The following CCSER1 variants were observed in gnomAD, a reference collection of about 807,000 sequenced individuals.
CCSER1 encodes the protein coiled-coil serine rich protein 1.
In CCSER1, 41 loss-of-function variants were observed where a neutral mutation model predicts 82.0. The ratio of observed to expected loss-of-function variants is 0.50; its 90% CI spans 0.39 to 0.65. The LOEUF (loss-of-function observed/expected upper bound fraction) is 0.65. Among genes scored for constraint, CCSER1 ranks in the 30% least tolerant of loss-of-function variants. The pLI is 0.00. For synonymous variants in CCSER1, 414 were observed against 383.9 expected, an observed-to-expected ratio of 1.08 and a Z score of -0.92; for missense variants, 1,119 against 1,064.2, an observed-to-expected ratio of 1.05 and a Z score of -0.72.
At chr4:91,404,191 T>C (rs934891871) in intron 10 of CCSER1, among the ~76,000 whole-genome samples, 6 of 152,170 alleles carry the variant, frequency 3.9e-5, no homozygotes, top group African/African-American at 9.7e-5. Flanking sequence ...CATAGAGGTG[T>C]TTATAGTATT....
At chr4:90,587,708 T>A (rs1362948488) in intron 5 of CCSER1, among the ~76,000 whole-genome samples, 2 of 152,180 alleles carry the variant, frequency 1.3e-5, no homozygotes, top group Non-Finnish European at 1.5e-5. Context: ...GTTGCTTTAT[T>A]TCTTGTGTAG....
chr4:90,458,397 A>T (rs950866235), intron 4 of CCSER1, among the ~76,000 whole-genome samples: 6 of 151,958 alleles, frequency 3.9e-5, no homozygotes, highest in African/African-American at 1.4e-4. Flanking sequence ...TCTGTTGCCC[A>T]GGCTGGGGTA....
At chr4:91,376,411 A>G (rs946958570) in intron 10 of CCSER1, among the ~76,000 whole-genome samples, 2 of 152,314 alleles carry the variant, frequency 1.3e-5, no homozygotes, top group East Asian at 1.9e-4. Flanking sequence ...GTATCTAAAC[A>G]TATCTAAACA....
At chr4:90,691,519 GTACA>G (rs1735868778) in intron 6 of CCSER1, among the ~76,000 whole-genome samples, 1 of 150,728 alleles carries the variant, frequency 6.6e-6, no homozygotes, top group Non-Finnish European at 1.5e-5. Flanking sequence ...TATTACATGT[GTACA>G]TATCACACGT....
intron 1 of CCSER1, among the ~76,000 whole-genome samples, chr4:90,147,295 T>G (rs1014374558): frequency 1.3e-5 from 2 of 152,112 alleles, no homozygotes; most frequent in Non-Finnish European, 2.9e-5. Context: ...TTGTTGTTTA[T>G]AAAAATAGAG....
intron 9 of CCSER1, among the ~76,000 whole-genome samples, chr4:90,928,187 GTT>G (rs1729292866): frequency 6.6e-6 from 1 of 151,878 alleles, no homozygotes; most frequent in Non-Finnish European, 1.5e-5. Flanking sequence ...TAAAAATTGA[GTT>G]ATATATTCCA....
intron 10 of CCSER1, among the ~76,000 whole-genome samples, chr4:91,139,535 T>C (rs893433109): frequency 1.3e-5 from 2 of 152,184 alleles, no homozygotes; most frequent in African/African-American, 4.8e-5. Flanking sequence ...GGTAGTGTGA[T>C]GCAGAGAAGG....
chr4:90,599,043 G>T (rs1387217460), intron 5 of CCSER1, among the ~76,000 whole-genome samples: 2 of 152,138 alleles, frequency 1.3e-5, no homozygotes, highest in Non-Finnish European at 2.9e-5. Context: ...GGGGTTCAGG[G>T]CACAATGTGG....
At chr4:90,825,062 G>A (rs1052600485) in intron 8 of CCSER1, among the ~76,000 whole-genome samples, 1 of 152,126 alleles carries the variant, frequency 6.6e-6, no homozygotes, top group Non-Finnish European at 1.5e-5. Context: ...CTGCCAAAAA[G>A]ATACAATCTT....
At chr4:90,367,623 C>G (rs917217236) in intron 3 of CCSER1, among the ~76,000 whole-genome samples, 1 of 151,196 alleles carries the variant, frequency 6.6e-6, no homozygotes, top group Non-Finnish European at 1.5e-5. Flanking sequence ...ATTTGTACAG[C>G]TAAGAATATA....
chr4:90,913,901 C>T (rs1055032796), intron 8 of CCSER1, among the ~76,000 whole-genome samples: 1 of 152,092 alleles, frequency 6.6e-6, no homozygotes, highest in African/African-American at 2.4e-5. Flanking sequence ...CAAAGAAGGC[C>T]ATTACATAAT....
intron 10 of CCSER1, among the ~76,000 whole-genome samples, chr4:91,361,617 GGA>G (rs1486073477): frequency 6.6e-6 from 1 of 151,682 alleles, no homozygotes; most frequent in African/African-American, 2.4e-5. Context: ...AAGAGTGGAG[GGA>G]GAGACTTATT....
chr4:91,073,784 C>T (rs1424410603), intron 9 of CCSER1, among the ~76,000 whole-genome samples: 22 of 152,020 alleles, frequency 1.4e-4, no homozygotes, highest in Admixed American at 1.4e-3. Context: ...AACAGAAAGA[C>T]ACAGAGTAAG....
At chr4:90,311,568 A>G (rs1167618180) in intron 2 of CCSER1, among the ~76,000 whole-genome samples, 2 of 152,164 alleles carry the variant, frequency 1.3e-5, no homozygotes, top group Non-Finnish European at 2.9e-5. Context: ...AAGTAAATGT[A>G]TTTTATCCAA....
At chr4:90,621,024 G>T (rs1462300969) in intron 5 of CCSER1, among the ~76,000 whole-genome samples, 1 of 152,006 alleles carries the variant, frequency 6.6e-6, no homozygotes, top group African/African-American at 2.4e-5. Flanking sequence ...TCACCATGTT[G>T]TCCAGGCTGG....
intron 10 of CCSER1, among the ~76,000 whole-genome samples, chr4:91,421,008 A>G (rs2149382971): frequency 6.6e-6 from 1 of 152,266 alleles, no homozygotes; most frequent in East Asian, 1.9e-4. Flanking sequence ...AAAAAGTCTA[A>G]CTTACAGAAG....
rs573349070 is a variant in CCSER1 at position 91,063,145 on chromosome 4, C to T, written c.2173-22805C>T. Among the ~76,000 whole-genome samples the T allele has an allele frequency of 1.5e-4, 23 of 152,066 alleles. No homozygotes were observed. In the South Asian group the frequency reaches 2.3e-3, roughly 15 times the overall value. Reference sequence around the variant, plus strand: ...GAAGTTTCGTGTTCCCAACCAAAGACGAGAAGAAGAAAATGCTGTAGTATT... The same window carrying T: ...GAAGTTTCGTGTTCCCAACCAAAGATGAGAAGAAGAAAATGCTGTAGTATT... On this transcript the variant is annotated intron_variant, in intron 9 of 10. Coordinates refer to ENST00000509176, the MANE Select transcript of CCSER1 (RefSeq NM_001145065.2).
rs142989499 is a variant in CCSER1 at position 90,260,947 on chromosome 4, C to A, written c.-41-47297C>A. Among the ~76,000 whole-genome samples, 51 of 152,198 alleles carry A rather than the reference C, an allele frequency of 3.4e-4. 1 individual carries two copies. The East Asian group carries it at 9.5e-3, about 28-fold the overall frequency. ...GCCAGGCTGGTCTTGAACTCCTGAC[C>A]TCAAGTGATCTGCTTGCCTTGGCCT... On this transcript the variant is annotated intron_variant, in intron 1 of 10. Coordinates refer to ENST00000509176, the MANE Select transcript of CCSER1 (RefSeq NM_001145065.2).
chr4:90,443,611 A>G (rs1056443768), intron 4 of CCSER1, among the ~76,000 whole-genome samples: 2 of 152,150 alleles, frequency 1.3e-5, no homozygotes, highest in African/African-American at 4.8e-5. Context: ...CTACTGCATA[A>G]GAGTAGAACA....
Sources: gnomAD v4.1 joint callset for allele counts (sites outside exome capture counted in the v4.1 genomes callset) on GRCh38, gnomAD v4.1.1 for gene constraint, MANE v1.5 for transcripts, NCBI Gene and HGNC (gene_info 2026-07-23, HGNC 2026-07-21) for gene names.